The following SLC22A23 variants were observed in gnomAD, a reference collection of about 807,000 sequenced individuals.
SLC22A23 encodes the protein solute carrier family 22 member 23, also known as ion transporter protein.
SLC22A23 carries 26 observed loss-of-function variants against 61.0 expected under a neutral mutation model. The ratio of observed to expected loss-of-function variants is 0.43; its 90% CI spans 0.31 to 0.59. The LOEUF is 0.59. Among genes scored for constraint, SLC22A23 ranks in the 20% least tolerant of loss-of-function variants. The probability of loss-of-function intolerance (pLI) is 0.11; values close to 1 mark genes in which losing one functional copy is unlikely to be tolerated. For missense variants in SLC22A23, 796 were observed against 934.7 expected (o/e 0.85, Z 1.94); for synonymous variants, 430 against 413.9 (o/e 1.04, Z -0.47).
In SLC22A23 at chr6:3,317,892, C is replaced by T. The variant is rs577300202; in HGVS notation, c.1082+5942G>A. Among the ~76,000 whole-genome samples, 387 of 152,292 alleles carry T rather than the reference C, an allele frequency of 2.5e-3. 1 individual carries two copies. The highest frequency in any genetic ancestry group is 8.4e-3 in the African/African-American group (350 of 41,556). ...GCTCTTCCTTCACCTAAAGCCCAGC[C>T]GATCCTGCCATGGCCCAGAAGGCTC... is the stretch of plus-strand genomic sequence containing the variant. On this transcript the variant is annotated intron_variant, in intron 4 of 9. Coordinates refer to ENST00000406686, the MANE Select transcript of SLC22A23 (RefSeq NM_015482.2). The surrounding 1 kb of genome is among the most constrained non-coding windows in gnomAD (Gnocchi z 4.4).
chr6:3,412,963 C>T (rs1049509442), intron 2 of SLC22A23, among the ~76,000 whole-genome samples: 2 of 152,128 alleles, frequency 1.3e-5, no homozygotes, highest in African/African-American at 4.8e-5. Flanking sequence ...CGACTTTAGA[C>T]CAGTGAGACC....
chr6:3,350,551 C>A (rs993538730), intron 3 of SLC22A23, among the ~76,000 whole-genome samples: 1 of 152,204 alleles, frequency 6.6e-6, no homozygotes, highest in Non-Finnish European at 1.5e-5. Flanking sequence ...GTAGGTGGGG[C>A]AGAGACCGTA....
chr6:3,352,939 G>A (rs1764862916), intron 3 of SLC22A23, among the ~76,000 whole-genome samples: 1 of 152,072 alleles, frequency 6.6e-6, no homozygotes, highest in African/African-American at 2.4e-5. Context: ...AACCCCCAGT[G>A]GTCAGCTTGT....
intron 3 of SLC22A23, among the ~76,000 whole-genome samples, chr6:3,367,320 A>G (rs1038779751): frequency 2.6e-5 from 4 of 152,180 alleles, no homozygotes; most frequent in African/African-American, 7.2e-5. Flanking sequence ...TTCAAAGCCT[A>G]TTCTTTGGCC....
rs1764207339 is a variant in SLC22A23, at chr6:3,342,523, CT to C, written c.914-18522del. On this transcript the variant is annotated intron_variant, in intron 3 of 9. Transcript: ENST00000406686. The surrounding 1 kb of genome is among the most constrained non-coding windows in gnomAD (Gnocchi z 4.0). The stretch of plus-strand genomic sequence containing the variant: ...CAGTGCTTCTCAAAGGTGGGGCCTC[CT>C]TGACCCACAGCATCAGAGTCCCCCG... Among the ~76,000 whole-genome samples the C allele has an allele frequency of 6.6e-6, 1 of 152,170 alleles. No individual in the cohort carries two copies. The highest frequency in any genetic ancestry group is 2.4e-5 in the African/African-American group (1 of 41,426).
intron 3 of SLC22A23, among the ~76,000 whole-genome samples, chr6:3,396,731 T>C (rs1336961454): frequency 6.6e-6 from 1 of 152,128 alleles, no homozygotes; most frequent in East Asian, 1.9e-4. Context: ...CAGAATGACA[T>C]GGAATTTGGT....
chr6:3,314,023 C>G (rs996231269), intron 4 of SLC22A23, among the ~76,000 whole-genome samples: 4 of 152,106 alleles, frequency 2.6e-5, no homozygotes, highest in African/African-American at 9.7e-5. Context: ...GAGCAGAACT[C>G]TGTCTCAAAA....
intron 3 of SLC22A23, among the ~76,000 whole-genome samples, chr6:3,393,758 T>C (rs1767818029): frequency 6.6e-6 from 1 of 152,252 alleles, no homozygotes; most frequent in African/African-American, 2.4e-5. Flanking sequence ...AGGGCAGCGG[T>C]CTGCATAGCT....
chr6:3,286,699 C>T lies in SLC22A23; in HGVS notation c.1546+160G>A, dbSNP rs1483308953. Among the ~76,000 whole-genome samples, 6 of 152,232 alleles carry T rather than the reference C, an allele frequency of 3.9e-5. No homozygotes were observed. The East Asian group carries it at 1.2e-3, about 29-fold the overall frequency. ...GGCCCAGTGCCCTCTAAGGCGGGCTCCACAGATGCTCTCAACTGAAGCTCT... is the reference window on the plus strand; with the variant it reads ...GGCCCAGTGCCCTCTAAGGCGGGCTTCACAGATGCTCTCAACTGAAGCTCT... On this transcript the variant is annotated intron_variant, in intron 7 of 9. Coordinates refer to ENST00000406686, the MANE Select transcript of SLC22A23 (RefSeq NM_015482.2). This position sits in a 1 kb window ranked among gnomAD's most constrained non-coding sequence, Gnocchi z 4.2.
chr6:3,325,349 A>G (rs1000263863), intron 3 of SLC22A23, among the ~76,000 whole-genome samples: 1 of 152,196 alleles, frequency 6.6e-6, no homozygotes, highest in Admixed American at 6.5e-5. Flanking sequence ...AGCCCTAACA[A>G]GGAGAGGGCA....
intron 3 of SLC22A23, among the ~76,000 whole-genome samples, chr6:3,388,675 G>A (rs553166181): frequency 1.3e-5 from 2 of 152,322 alleles, no homozygotes; most frequent in Admixed American, 6.5e-5. Flanking sequence ...CTGATGAATG[G>A]ATAAGCAAAA....
intron 4 of SLC22A23, chr6:3,311,986 C>T (rs9392480): frequency 0.083 from 12,649 of 152,260 alleles, 732 homozygotes; most frequent in East Asian, 0.24. Context: ...CATCTAGACT[C>T]AGGGCTAACG....
intron 3 of SLC22A23, among the ~76,000 whole-genome samples, chr6:3,370,015 G>A (rs771436525): frequency 3.9e-5 from 6 of 152,094 alleles, no homozygotes; most frequent in African/African-American, 9.7e-5. Flanking sequence ...TGGAGGAAGC[G>A]GCAAATTATA....
At chr6:3,423,932 T>C (rs2127532707) in intron 1 of SLC22A23, among the ~76,000 whole-genome samples, 1 of 152,068 alleles carries the variant, frequency 6.6e-6, no homozygotes, top group Admixed American at 6.5e-5. Flanking sequence ...ACGACCCAGG[T>C]GATCCATCCT....
intron 1 of SLC22A23, among the ~76,000 whole-genome samples, chr6:3,420,317 T>C (rs1032229637): frequency 6.6e-6 from 1 of 152,022 alleles, no homozygotes; most frequent in Non-Finnish European, 1.5e-5. Flanking sequence ...ATTAATATTA[T>C]TTTGAAAGGA....
chr6:3,341,426 C>T (rs1343338191), intron 3 of SLC22A23, among the ~76,000 whole-genome samples: 1 of 152,138 alleles, frequency 6.6e-6, no homozygotes, highest in Non-Finnish European at 1.5e-5. Flanking sequence ...GATGTCAGAC[C>T]TCACTAGAAA....
At position 3,414,346 on chromosome 6, in the gene SLC22A23, AT is replaced by A. The variant is rs1769511616; in HGVS notation, c.758+1405del. ...GAACTCAAGTATTTGGTTTAAAAAA[AT>A]AAACCCTGTGTTGCCTCTACCAAAG... On this transcript the variant is annotated intron_variant, in intron 2 of 9. Transcript: ENST00000406686. This position sits in a 1 kb window ranked among gnomAD's most constrained non-coding sequence, Gnocchi z 5.1. Among the ~76,000 whole-genome samples the A allele has an allele frequency of 6.6e-6, 1 of 152,232 alleles. No homozygotes were observed. Among genetic ancestry groups the A allele is most frequent in the African/African-American group, 2.4e-5 (1 of 41,454 alleles).
intron 1 of SLC22A23, among the ~76,000 whole-genome samples, chr6:3,417,071 C>T (rs1020443701): frequency 5.9e-5 from 9 of 152,132 alleles, no homozygotes; most frequent in African/African-American, 1.9e-4. Flanking sequence ...ACTTCCAGAG[C>T]CTTATCGAGG....
chr6:3,420,837 G>A (rs188545103), intron 1 of SLC22A23, among the ~76,000 whole-genome samples: 3 of 152,298 alleles, frequency 2.0e-5, no homozygotes, highest in African/African-American at 7.2e-5. Context: ...AGGTGCAGTG[G>A]CCCACGCATA....
Sources: allele counts gnomAD v4.1 joint callset (sites outside exome capture counted in the v4.1 genomes callset), GRCh38; gene constraint gnomAD v4.1.1; non-coding constraint Gnocchi (gnomAD v3.1); transcripts MANE v1.5; gene names NCBI Gene and HGNC (gene_info 2026-07-23, HGNC 2026-07-21).